GOLM2: variants seen among roughly 807,000 people sequenced by gnomAD.
The protein encoded by GOLM2 is protein GOLM2.
In GOLM2, 26 loss-of-function variants were observed where a neutral mutation model predicts 55.9. The observed-to-expected ratio is 0.47, with a 90% CI of 0.34 to 0.65. GOLM2 has a LOEUF of 0.65. Among genes scored for constraint, GOLM2 ranks in the 30% least tolerant of loss-of-function variants. The pLI is 0.01. For synonymous variants in GOLM2, 165 were observed against 194.6 expected (o/e 0.85, Z 1.27); for missense variants, 486 against 531.8 (o/e 0.91, Z 0.85).
At chr15:44,293,449 C>T (rs899160603) in intron 1 of GOLM2, among the ~76,000 whole-genome samples, 5 of 152,166 alleles carry the variant, frequency 3.3e-5, no homozygotes, top group African/African-American at 7.2e-5. Flanking sequence ...TCCAGAGTTA[C>T]GTTACATTTA....
Position 44,288,823 on chromosome 15 carries a change from G to A in GOLM2, c.-207G>A, listed in dbSNP as rs1222753664. ...GTCGGGTTCAAAGCCTCCGGAACGCGTTTTGGCCTGATTTGAGGAGGGGGG... is the reference window on the plus strand; with the variant it reads ...GTCGGGTTCAAAGCCTCCGGAACGCATTTTGGCCTGATTTGAGGAGGGGGG... On this transcript the variant is annotated 5_prime_UTR_variant, in exon 1 of 10. Coordinates refer to ENST00000299957, the MANE Select transcript of GOLM2 (RefSeq NM_138423.4). The A allele has an allele frequency of 5.2e-6, 3 of 581,246 alleles. No individual in the cohort carries two copies. The highest frequency in any genetic ancestry group is 3.0e-5 in the East Asian group (1 of 33,376). 36.0% of individuals were successfully genotyped at this position (581,246 alleles called of 1,614,324 possible).
intron 8 of GOLM2, among the ~76,000 whole-genome samples, chr15:44,386,495 A>G (rs1370746950): frequency 6.6e-6 from 1 of 152,140 alleles, no homozygotes; most frequent in Non-Finnish European, 1.5e-5. Context: ...CATCTTTAAG[A>G]TTATTTTAGC....
chr15:44,377,738 GC>G (rs1159208436), intron 6 of GOLM2, among the ~76,000 whole-genome samples: 55 of 152,104 alleles, frequency 3.6e-4, no homozygotes, highest in African/African-American at 1.3e-3. Flanking sequence ...TTTTGATTCA[GC>G]ACTATCATTT....
chr15:44,396,301 T>A (rs2079526429), intron 8 of GOLM2, among the ~76,000 whole-genome samples: 2 of 152,016 alleles, frequency 1.3e-5, no homozygotes, highest in African/African-American at 4.8e-5. Flanking sequence ...GAGGTTGTGG[T>A]GAGCCGAGAT....
At chr15:44,382,289 A>G (rs1202129919) in intron 8 of GOLM2, 1 of 152,070 alleles carries the variant, frequency 6.6e-6, no homozygotes, top group Non-Finnish European at 1.5e-5. Flanking sequence ...TAATTTGATC[A>G]CTTAAGATTT....
chr15:44,295,264 G>T (rs143996134), intron 1 of GOLM2, among the ~76,000 whole-genome samples: 1 of 152,108 alleles, frequency 6.6e-6, no homozygotes, highest in African/African-American at 2.4e-5. Context: ...TTTTTTAGTA[G>T]AGACAGGGTT....
At chr15:44,382,955 G>A (rs1356372592) in intron 8 of GOLM2, among the ~76,000 whole-genome samples, 3 of 150,188 alleles carry the variant, frequency 2.0e-5, no homozygotes, top group East Asian at 1.9e-4. Flanking sequence ...AGCCTATTGA[G>A]TTTTAAACCC....
rs1595673663 is a variant in GOLM2, at chr15:44,413,823, T to A, written c.*417T>A. 6.6e-6 allele frequency: 1 copy of A among 152,592 alleles called. No individual in the cohort carries two copies. Among genetic ancestry groups the A allele is most frequent in the Admixed American group, 6.6e-5 (1 of 15,262 alleles). The allele number at this position is 152,592 out of a possible 1,614,324, so 9.5% of individuals were successfully genotyped here. On this transcript the variant is annotated 3_prime_UTR_variant, in exon 10 of 10. Coordinates refer to ENST00000299957, the MANE Select transcript of GOLM2 (RefSeq NM_138423.4). The stretch of plus-strand genomic sequence containing the variant: ...TATACTCTAATTCTTTTTTTTTTTT[T>A]TTTTGAGACAGAGTTTTAGTCTTGT...
At chr15:44,398,813 C>T (rs1233336645) in intron 8 of GOLM2, among the ~76,000 whole-genome samples, 1 of 151,744 alleles carries the variant, frequency 6.6e-6, no homozygotes, top group Non-Finnish European at 1.5e-5. Context: ...ATTACAGCCA[C>T]CCACCACCAC....
intron 6 of GOLM2, among the ~76,000 whole-genome samples, chr15:44,376,605 A>G (rs980882905): frequency 2.6e-5 from 4 of 152,194 alleles, no homozygotes; most frequent in African/African-American, 9.7e-5. Context: ...CAAGTATAAC[A>G]TAATCTCATT....
At chr15:44,356,243 T>C (rs1418275036) in intron 6 of GOLM2, among the ~76,000 whole-genome samples, 2 of 149,852 alleles carry the variant, frequency 1.3e-5, no homozygotes, top group Non-Finnish European at 3.0e-5. Flanking sequence ...AGAACAGAAG[T>C]CAATAAAATT....
At chr15:44,396,300 G>T (rs1360580457) in intron 8 of GOLM2, among the ~76,000 whole-genome samples, 1 of 152,062 alleles carries the variant, frequency 6.6e-6, no homozygotes, top group African/African-American at 2.4e-5. Context: ...GGAGGTTGTG[G>T]TGAGCCGAGA....
At chr15:44,347,262 A>AT (rs1219527633) in intron 6 of GOLM2, among the ~76,000 whole-genome samples, 1 of 152,250 alleles carries the variant, frequency 6.6e-6, no homozygotes, top group African/African-American at 2.4e-5. Context: ...AGAGCCAAAA[A>AT]TCAGGTGAGC....
intron 6 of GOLM2, among the ~76,000 whole-genome samples, chr15:44,358,175 A>G (rs904024430): frequency 1.3e-5 from 2 of 152,128 alleles, no homozygotes; most frequent in African/African-American, 4.8e-5. Flanking sequence ...CCAACATGGC[A>G]AAACCCTGTC....
intron 6 of GOLM2, among the ~76,000 whole-genome samples, chr15:44,366,140 A>G (rs1412704738): frequency 6.6e-6 from 1 of 152,004 alleles, no homozygotes; most frequent in Non-Finnish European, 1.5e-5. Flanking sequence ...TAGTAAAAAT[A>G]CAAAAAATTA....
intron 1 of GOLM2, among the ~76,000 whole-genome samples, chr15:44,309,864 G>A (rs2078861560): frequency 6.6e-6 from 1 of 151,920 alleles, no homozygotes; most frequent in Non-Finnish European, 1.5e-5. Flanking sequence ...TCTAATTTTA[G>A]AGGCCCCACC....
intron 6 of GOLM2, among the ~76,000 whole-genome samples, chr15:44,372,888 C>T (rs894954360): frequency 6.6e-5 from 10 of 152,208 alleles, no homozygotes; most frequent in African/African-American, 1.2e-4. Context: ...TGTACTTGCT[C>T]GTCTTTGTTT....
intron 6 of GOLM2, among the ~76,000 whole-genome samples, chr15:44,376,863 T>C (rs1210169877): frequency 6.6e-6 from 1 of 152,156 alleles, no homozygotes; most frequent in African/African-American, 2.4e-5. Context: ...AACTATTCTA[T>C]CCTAGGTATA....
intron 6 of GOLM2, among the ~76,000 whole-genome samples, chr15:44,369,070 TATATATATATATATATATATA>T (rs2079307867): frequency 3.5e-4 from 6 of 16,974 alleles, no homozygotes; most frequent in African/African-American, 2.0e-3. Context: ...GGATATATTA[TATATATATATATATATATATA>T]TATATATATA....
Sources: allele counts gnomAD v4.1 joint callset (sites outside exome capture counted in the v4.1 genomes callset), GRCh38; gene constraint gnomAD v4.1.1; transcripts MANE v1.5; gene names NCBI Gene and HGNC (gene_info 2026-07-23, HGNC 2026-07-21).